Variants in LANCL3 observed in about 807,000 individuals in gnomAD.
The protein encoded by LANCL3 is LanC like family member 3.
In LANCL3, 19 loss-of-function variants were observed where a neutral mutation model predicts 26.5. That is an observed-to-expected ratio of 0.72 (90% CI 0.50 to 1.05). The LOEUF (loss-of-function observed/expected upper bound fraction) is 1.05, where lower values mean the gene tolerates loss of function less well. Among genes scored for constraint, LANCL3 ranks in the 50% least tolerant of loss-of-function variants. The pLI is 0.00. For missense variants in LANCL3, 318 were observed against 362.7 expected, an observed-to-expected ratio of 0.88 and a Z score of 1.00; for synonymous variants, 160 against 166.6, an observed-to-expected ratio of 0.96 and a Z score of 0.30.
At chrX:37,603,986 C>T (rs1924639373) in intron 1 of LANCL3, among the ~76,000 whole-genome samples, 1 of 112,540 alleles carries the variant, frequency 8.9e-6, no homozygotes, top group Non-Finnish European at 1.9e-5. Flanking sequence ...CCCTGCTGGG[C>T]AGCCTGCCGA....
At chrX:37,590,717 G>C (rs1467657418) in intron 1 of LANCL3, among the ~76,000 whole-genome samples, 2 of 111,864 alleles carry the variant, frequency 1.8e-5, no homozygotes, top group Admixed American at 1.9e-4. Context: ...CACCAACTGG[G>C]TTCTAAGTCT....
At chrX:37,661,417 G>T (rs1290532927) in intron 3 of LANCL3, among the ~76,000 whole-genome samples, 1 of 111,582 alleles carries the variant, frequency 9.0e-6, no homozygotes, top group Non-Finnish European at 1.9e-5. Context: ...ATCTAGAGAA[G>T]ATTAAACATA....
At chrX:37,632,167 T>G (rs782143404) in intron 1 of LANCL3, among the ~76,000 whole-genome samples, 1 of 112,361 alleles carries the variant, frequency 8.9e-6, no homozygotes, top group East Asian at 2.8e-4. Flanking sequence ...TTTAGGATAG[T>G]TAGCTCTTCT....
chrX:37,581,355 T>C (rs1216167924), intron 1 of LANCL3, among the ~76,000 whole-genome samples: 1 of 112,507 alleles, frequency 8.9e-6, no homozygotes, highest in Non-Finnish European at 1.9e-5. Flanking sequence ...ATCTATTGAA[T>C]GAATGAGCAA....
chrX:37,632,068 T>C (rs1265324615), intron 1 of LANCL3, among the ~76,000 whole-genome samples: 8 of 111,239 alleles, frequency 7.2e-5, no homozygotes, highest in Non-Finnish European at 3.8e-5. Flanking sequence ...AAGTCTCCCA[T>C]TATTATTGTG....
At chrX:37,574,054 C>CAAAAAAAAAAAAAAAAAAA (rs34987799) in intron 1 of LANCL3, among the ~76,000 whole-genome samples, 12 of 33,416 alleles carry the variant, frequency 3.6e-4, no homozygotes, top group African/African-American at 9.3e-4. Context: ...TCAAGGATAG[C>CAAAAAAAAAAAAAAAAAAA]AAAAAAAAAA....
intron 2 of LANCL3, 47 bp downstream of exon 2, chrX:37,655,858 A>G: frequency 1.8e-6 from 2 of 1,131,185 alleles, no homozygotes; most frequent in Non-Finnish European, 2.4e-6. Flanking sequence ...GAAAGTCTCT[A>G]AGATACTACC....
chrX:37,657,023 C>A (rs1423314665), intron 2 of LANCL3, among the ~76,000 whole-genome samples: 1 of 112,772 alleles, frequency 8.9e-6, no homozygotes, highest in Non-Finnish European at 1.9e-5. Flanking sequence ...TAATGAGCAA[C>A]TGTGGACAAC....
At chrX:37,583,657 A>G (rs1473803392) in intron 1 of LANCL3, among the ~76,000 whole-genome samples, 1 of 112,032 alleles carries the variant, frequency 8.9e-6, no homozygotes, top group Non-Finnish European at 1.9e-5. Context: ...TGATTTTTGC[A>G]CATTGATTTT....
At chrX:37,592,209 A>G (rs1482438676) in intron 1 of LANCL3, among the ~76,000 whole-genome samples, 1 of 112,077 alleles carries the variant, frequency 8.9e-6, no homozygotes, top group Non-Finnish European at 1.9e-5. Flanking sequence ...GTTATCAGAT[A>G]CATTCACAAA....
chrX:37,667,457 G>T lies in LANCL3; in HGVS notation c.1071G>T (p.Thr357=). The change falls in exon 4 of 5, where the codon ACG becomes ACT. Residue 357 remains threonine (T), a synonymous_variant. Transcript: ENST00000378619. The part of the protein sequence containing the change: ...AYVFLLLYRL[T]GNSKYIYRAQ... ...TCTTCCTGCTGCTGTACCGGCTCACGGGAAACTCTAAATACATCTACCGAG... is the reference window on the plus strand; with the variant it reads ...TCTTCCTGCTGCTGTACCGGCTCACTGGAAACTCTAAATACATCTACCGAG... 8.4e-7 allele frequency: 1 copy of T among 1,193,312 alleles called. No homozygotes were observed. The highest frequency in any genetic ancestry group is 1.1e-6 in the Non-Finnish European group (1 of 887,764).
chrX:37,574,593 A>G (rs782230285), intron 1 of LANCL3, among the ~76,000 whole-genome samples: 2 of 112,127 alleles, frequency 1.8e-5, no homozygotes, highest in East Asian at 5.6e-4. Flanking sequence ...CAAATATTTC[A>G]AAAGACATTT....
intron 1 of LANCL3, among the ~76,000 whole-genome samples, chrX:37,585,817 G>A (rs1356587669): frequency 8.9e-6 from 1 of 111,850 alleles, no homozygotes; most frequent in Non-Finnish European, 1.9e-5. Flanking sequence ...ATATTGTTAT[G>A]TGTGAATTTG....
intron 1 of LANCL3, among the ~76,000 whole-genome samples, chrX:37,574,865 A>T (rs1556416209): frequency 2.7e-5 from 3 of 109,171 alleles, no homozygotes; most frequent in African/African-American, 1.0e-4. Flanking sequence ...AGATATTTAT[A>T]GCTAGATCTC....
At chrX:37,584,418 G>A (rs1556417520) in intron 1 of LANCL3, among the ~76,000 whole-genome samples, 1 of 109,719 alleles carries the variant, frequency 9.1e-6, no homozygotes, top group African/African-American at 3.4e-5. Context: ...TGTACCTCTG[G>A]TAGAATTCGG....
intron 1 of LANCL3, among the ~76,000 whole-genome samples, chrX:37,588,233 A>T (rs1234828270): frequency 8.9e-6 from 1 of 111,861 alleles, no homozygotes; most frequent in Non-Finnish European, 1.9e-5. Flanking sequence ...GCAACACAAT[A>T]TACAATGGAT....
chrX:37,615,629 C>T (rs781998764), intron 1 of LANCL3, among the ~76,000 whole-genome samples: 11 of 111,577 alleles, frequency 9.9e-5, no homozygotes, highest in Non-Finnish European at 1.9e-5. Context: ...TATATGCCTT[C>T]CGTCTGTTCT....
intron 1 of LANCL3, among the ~76,000 whole-genome samples, chrX:37,649,235 A>G (rs1926065488): frequency 8.9e-6 from 1 of 112,636 alleles, no homozygotes; most frequent in African/African-American, 3.2e-5. Flanking sequence ...CTGGATAAAG[A>G]AAATGTAGCA....
intron 1 of LANCL3, among the ~76,000 whole-genome samples, chrX:37,648,340 C>A (rs948356451): frequency 8.9e-6 from 1 of 112,126 alleles, no homozygotes; most frequent in Non-Finnish European, 1.9e-5. Flanking sequence ...GCCAGTGCTT[C>A]TCAAACTTTC....
Sources: gnomAD v4.1 joint callset for allele counts (sites outside exome capture counted in the v4.1 genomes callset) on GRCh38, gnomAD v4.1.1 for gene constraint, MANE v1.5 for transcripts, NCBI Gene and HGNC (gene_info 2026-07-23, HGNC 2026-07-21) for gene names.